ATF7IP: variants seen among roughly 807,000 people sequenced by gnomAD.
ATF7IP encodes the protein activating transcription factor 7 interacting protein.
A neutral mutation model predicts 106.4 loss-of-function variants in ATF7IP; 23 were observed. That is an observed-to-expected ratio of 0.22 (90% CI 0.16 to 0.31). The LOEUF is 0.31. Ranked by LOEUF, ATF7IP falls within the 10% of genes least tolerant of loss-of-function variation. The pLI is 1.00. For synonymous variants in ATF7IP, 542 were observed against 539.0 expected (o/e 1.01, Z -0.08); for missense variants, 1,334 against 1,524.3 (o/e 0.88, Z 2.08).
At chr12:14,497,047 C>A (rs1945033285) in intron 14 of ATF7IP, among the ~76,000 whole-genome samples, 1 of 152,162 alleles carries the variant, frequency 6.6e-6, no homozygotes, top group Admixed American at 6.5e-5. Flanking sequence ...ACTTTACTGT[C>A]CACATGCCTT....
At chr12:14,374,179 C>T (rs1938638627) in intron 1 of ATF7IP, among the ~76,000 whole-genome samples, 1 of 151,316 alleles carries the variant, frequency 6.6e-6, no homozygotes, top group African/African-American at 2.4e-5. Flanking sequence ...CTCACTGTAA[C>T]CTTGACCTCC....
chr12:14,432,926 G>A (rs1016191217), intron 2 of ATF7IP, among the ~76,000 whole-genome samples: 2 of 152,102 alleles, frequency 1.3e-5, no homozygotes, highest in Non-Finnish European at 2.9e-5. Context: ...CTCATTTAAT[G>A]AGTAGGTTAG....
chr12:14,385,662 A>C (rs1398286918), intron 1 of ATF7IP, among the ~76,000 whole-genome samples: 1 of 152,106 alleles, frequency 6.6e-6, no homozygotes, highest in Non-Finnish European at 1.5e-5. Flanking sequence ...TTCTGGCCCT[A>C]ATTAATGTAA....
intron 6 of ATF7IP, among the ~76,000 whole-genome samples, chr12:14,451,474 T>C (rs1427180241): frequency 1.3e-5 from 2 of 152,208 alleles, no homozygotes; most frequent in African/African-American, 4.8e-5. Flanking sequence ...AGCTAGATTG[T>C]TGATTTGAGA....
chr12:14,403,143 AATTTTT>A (rs1416388442), intron 1 of ATF7IP, among the ~76,000 whole-genome samples: 1 of 151,986 alleles, frequency 6.6e-6, no homozygotes, highest in African/African-American at 2.4e-5. Flanking sequence ...TTATGTTCTT[AATTTTT>A]ATTTTTATCA....
At chr12:14,483,939 A>G (rs956904762) in intron 13 of ATF7IP, among the ~76,000 whole-genome samples, 4 of 152,166 alleles carry the variant, frequency 2.6e-5, no homozygotes, top group Non-Finnish European at 5.9e-5. Context: ...GACGGTGGAT[A>G]AGGCATTCTG....
chr12:14,379,705 T>C (rs1056681567), intron 1 of ATF7IP, among the ~76,000 whole-genome samples: 7 of 152,322 alleles, frequency 4.6e-5, no homozygotes, highest in African/African-American at 1.4e-4. Context: ...GAACTCTAGG[T>C]TGAAATTCTT....
intron 1 of ATF7IP, among the ~76,000 whole-genome samples, chr12:14,397,402 T>C (rs552033714): frequency 1.9e-4 from 29 of 152,344 alleles, no homozygotes; most frequent in Non-Finnish European, 3.4e-4. Context: ...AGGTAGTTTC[T>C]AATATTGCAC....
rs1943263642 is a variant in ATF7IP, at chr12:14,452,960, C to T, written c.1996-3601C>T. 2.0e-5 allele frequency among the ~76,000 whole-genome samples: 3 copies of T among 152,136 alleles called. No individual in the cohort carries two copies. In the South Asian group the frequency reaches 6.2e-4, roughly 31 times the overall value. ...TTTAATTTCACCTTCATTTTTGAAGCATATTATTGCCAGGTATAGTATTCT... is the reference window on the plus strand; with the variant it reads ...TTTAATTTCACCTTCATTTTTGAAGTATATTATTGCCAGGTATAGTATTCT... On this transcript the variant is annotated intron_variant, in intron 6 of 14. Transcript: ENST00000261168.
intron 5 of ATF7IP, among the ~76,000 whole-genome samples, chr12:14,439,272 T>C (rs61922681): frequency 0.041 from 6,186 of 152,270 alleles, 225 homozygotes; most frequent in Non-Finnish European, 0.056. Flanking sequence ...TGGTAAACCA[T>C]GTATAGGGCC....
chr12:14,453,441 C>T lies in ATF7IP; in HGVS notation c.1996-3120C>T, dbSNP rs577322121. Among the ~76,000 whole-genome samples, 11 of 152,076 alleles carry T rather than the reference C, an allele frequency of 7.2e-5. No individual in the cohort carries two copies. The East Asian group carries it at 7.7e-4, about 11-fold the overall frequency. ...TCTTCAAACTTGTGGACTTATTTTT[C>T]GGTTTGATCCGGTCTGCTCTTGATT... is the stretch of plus-strand genomic sequence containing the variant. On this transcript the variant is annotated intron_variant, in intron 6 of 14. Coordinates refer to ENST00000261168, the MANE Select transcript of ATF7IP (RefSeq NM_018179.5).
At chr12:14,433,051 T>TA (rs907164590) in intron 2 of ATF7IP, among the ~76,000 whole-genome samples, 5 of 152,168 alleles carry the variant, frequency 3.3e-5, no homozygotes, top group African/African-American at 1.2e-4. Flanking sequence ...CTTCAGTTGT[T>TA]ACATTTTATA....
intron 1 of ATF7IP, among the ~76,000 whole-genome samples, chr12:14,369,484 G>A (rs763941717): frequency 2.0e-5 from 3 of 151,984 alleles, no homozygotes; most frequent in Non-Finnish European, 4.4e-5. Flanking sequence ...CCCAAGTAGC[G>A]GATTACAGGC....
At chr12:14,449,376 C>A (rs1192117972) in intron 6 of ATF7IP, among the ~76,000 whole-genome samples, 1 of 152,054 alleles carries the variant, frequency 6.6e-6, no homozygotes, top group Non-Finnish European at 1.5e-5. Context: ...GTTTTCCCAG[C>A]ACCATTTATT....
At chr12:14,403,349 T>C (rs1209249673) in intron 1 of ATF7IP, among the ~76,000 whole-genome samples, 2 of 151,872 alleles carry the variant, frequency 1.3e-5, no homozygotes, top group African/African-American at 4.8e-5. Context: ...GATGTTAATC[T>C]CATCTTTTAG....
intron 14 of ATF7IP, among the ~76,000 whole-genome samples, 188 bp from the exon 15 acceptor site, chr12:14,497,466 T>A (rs1279606048): frequency 6.6e-6 from 1 of 152,204 alleles, no homozygotes; most frequent in Non-Finnish European, 1.5e-5. Context: ...TCAGCATCAT[T>A]GTTTGTAGCA....
At chr12:14,395,018 G>A (rs1939760804) in intron 1 of ATF7IP, 1 of 151,892 alleles carries the variant, frequency 6.6e-6, no homozygotes. Context: ...TAAATGGGAT[G>A]TATGCTGCAC....
intron 1 of ATF7IP, among the ~76,000 whole-genome samples, chr12:14,370,462 A>G (rs1465857947): frequency 3.9e-5 from 6 of 151,974 alleles, no homozygotes; most frequent in Non-Finnish European, 5.9e-5. Context: ...CTATTTTACA[A>G]TTTTCATAGC....
intron 10 of ATF7IP, among the ~76,000 whole-genome samples, chr12:14,470,064 A>G (rs925412607): frequency 3.3e-5 from 5 of 152,204 alleles, no homozygotes; most frequent in African/African-American, 1.2e-4. Context: ...CAGAGTGTAT[A>G]TAAGAGAATT....
Sources: gnomAD v4.1 joint callset for allele counts (sites outside exome capture counted in the v4.1 genomes callset) on GRCh38, gnomAD v4.1.1 for gene constraint, MANE v1.5 for transcripts, NCBI Gene and HGNC (gene_info 2026-07-23, HGNC 2026-07-21) for gene names.